FBH1: variants seen among roughly 807,000 people sequenced by gnomAD.
FBH1 encodes DNA 3'-5' helicase 1.
Under a neutral mutation model 115.5 loss-of-function variants are expected in FBH1, and 43 were observed. That is an observed-to-expected ratio of 0.37 (90% CI 0.29 to 0.48). The LOEUF (loss-of-function observed/expected upper bound fraction) is 0.48, where lower values mean the gene tolerates loss of function less well. Among genes scored for constraint, FBH1 ranks in the 20% least tolerant of loss-of-function variants. The probability of loss-of-function intolerance (pLI) is 0.99; values close to 1 mark genes in which losing one functional copy is unlikely to be tolerated. For missense variants in FBH1, 1,001 were observed against 1,337.3 expected, an observed-to-expected ratio of 0.75 and a Z score of 3.92; for synonymous variants, 524 against 507.8, an observed-to-expected ratio of 1.03 and a Z score of -0.43.
rs1021703306 is a variant in FBH1 at position 5,906,704 on chromosome 10, CAG to C, written c.753+75_753+76del. 72 of 1,248,076 alleles carry C rather than the reference CAG, an allele frequency of 5.8e-5. No individual in the cohort carries two copies. In the African/African-American group the frequency reaches 1.0e-3, roughly 18 times the overall value. The allele number at this position is 1,248,076 out of a possible 1,614,324, so 77.3% of individuals were successfully genotyped here. On this transcript the variant is annotated intron_variant, in intron 3 of 20. Coordinates refer to ENST00000362091, the MANE Select transcript of FBH1 (RefSeq NM_178150.3). The surrounding 1 kb of genome is among the most constrained non-coding windows in gnomAD (Gnocchi z 7.3). ...ACTTTGCTTAATGCACGCTTATAAT[CAG>C]AGGATCTTTTCAGAAATGGTTTCCA...
In FBH1 at chr10:5,910,988, T is replaced by C. The variant is rs369546116; in HGVS notation, c.1071T>C (p.Ser357=). Residue 357 remains serine, a synonymous_variant, in exon 6 of 21, where the codon AGT becomes AGC. Transcript: ENST00000362091. This position sits in a 1 kb window ranked among gnomAD's most constrained non-coding sequence, Gnocchi z 4.8. ...CGGCTGTGGTGCTCCTCTCCAGCAG[T>C]GTGAATGACATCCAGCGACTGCTCT... ...LVAAVVLLSS[S]VNDIQRLLFC... The C allele has an allele frequency of 1.3e-5, 21 of 1,612,160 alleles. No individual in the cohort carries two copies. In the African/African-American group the frequency reaches 2.5e-4, roughly 19 times the overall value.
Position 5,900,562 on chromosome 10 carries a change from C to T in FBH1, c.2-2458C>T, listed in dbSNP as rs965136583. On this transcript the variant is annotated intron_variant, in intron 1 of 20. Transcript: ENST00000362091. The surrounding 1 kb of genome is among the most constrained non-coding windows in gnomAD (Gnocchi z 4.2). The stretch of plus-strand genomic sequence containing the variant: ...CAGCTTCTGAGTTCAGGTAGTTAGA[C>T]GATTTCCAGCGTCCTTTCAGAGGGG... Among the ~76,000 whole-genome samples the T allele has an allele frequency of 7.9e-5, 12 of 152,216 alleles. No individual in the cohort carries two copies. Among genetic ancestry groups the T allele is most frequent in the African/African-American group, 2.7e-4 (11 of 41,452 alleles).
In FBH1 at chr10:5,899,046, A is replaced by G. The variant is rs565755694; in HGVS notation, c.2-3974A>G. Among the ~76,000 whole-genome samples the G allele has an allele frequency of 6.9e-4, 105 of 152,304 alleles. 1 individual carries two copies. The South Asian group carries it at 0.021, about 30-fold the overall frequency. ...CAGGGTTCACCCTGCATGTGTAGGT[A>G]CCTCTTCTATACAAATCTGCCAGCC... On this transcript the variant is annotated intron_variant, in intron 1 of 20. Coordinates refer to ENST00000362091, the MANE Select transcript of FBH1 (RefSeq NM_178150.3).
Position 5,924,194 on chromosome 10 carries a change from G to C in FBH1, c.2399-117G>C, listed in dbSNP as rs1014242527. The C allele has an allele frequency of 9.4e-6, 9 of 954,908 alleles. No individual in the cohort carries two copies. The South Asian group carries it at 1.1e-4, about 11-fold the overall frequency. The allele number at this position is 954,908 out of a possible 1,614,324, so 59.2% of individuals were successfully genotyped here. ...AGTGATGCAGTCAGGCCTGGAACCCGGGTCTCCCCACTTTAAGACCATCTG... is the reference window on the plus strand; with the variant it reads ...AGTGATGCAGTCAGGCCTGGAACCCCGGTCTCCCCACTTTAAGACCATCTG... On this transcript the variant is annotated intron_variant, in intron 16 of 20. Transcript: ENST00000362091. The surrounding 1 kb of genome is among the most constrained non-coding windows in gnomAD (Gnocchi z 6.2).
intron 10 of FBH1, 31 bp downstream of exon 10, chr10:5,916,487 A>T: frequency 6.4e-7 from 1 of 1,569,806 alleles, no homozygotes; most frequent in Non-Finnish European, 8.7e-7. Flanking sequence ...AGTGTTAGGG[A>T]TCTGAGGATG....
chr10:5,908,900 T>C (rs768573747), intron 3 of FBH1, 25 bp from the exon 4 acceptor site: 3 of 1,612,632 alleles, frequency 1.9e-6, no homozygotes, highest in Non-Finnish European at 2.5e-6. Flanking sequence ...CCTCATGTTA[T>C]TTTGTTTGTT....
intron 9 of FBH1, 193 bp from the exon 10 acceptor site, chr10:5,916,041 G>C (rs1831912862): frequency 1.7e-6 from 1 of 596,658 alleles, no homozygotes; most frequent in Admixed American, 3.0e-5. Flanking sequence ...TTCTGGGTTG[G>C]TACATGTGAG....
chr10:5,927,233 A>G (rs1045045264), intron 18 of FBH1, among the ~76,000 whole-genome samples: 5 of 152,154 alleles, frequency 3.3e-5, no homozygotes, highest in African/African-American at 1.2e-4. Flanking sequence ...AAAACCCGGT[A>G]TTTTGTGCCA....
In FBH1 at chr10:5,897,084, G is replaced by A. The variant is rs1251319575; in HGVS notation, c.2-5936G>A. 6.6e-6 allele frequency among the ~76,000 whole-genome samples: 1 copy of A among 152,158 alleles called. No homozygotes were observed. The highest frequency in any genetic ancestry group is 1.9e-4 in the East Asian group (1 of 5,188). On this transcript the variant is annotated intron_variant, in intron 1 of 20. Transcript: ENST00000362091. This position sits in a 1 kb window ranked among gnomAD's most constrained non-coding sequence, Gnocchi z 4.7. Reference sequence around the variant, plus strand: ...ATGCTATTAAAACTGATGTGCCTTAGGAGACCCTCAGATTGGTGTGGTAGT... The same window carrying A: ...ATGCTATTAAAACTGATGTGCCTTAAGAGACCCTCAGATTGGTGTGGTAGT...
In FBH1 at chr10:5,924,690, C is replaced by T. The variant is rs1270154691; in HGVS notation, c.2596+182C>T. 18 of 668,182 alleles carry T rather than the reference C, an allele frequency of 2.7e-5. No homozygotes were observed. Among genetic ancestry groups the T allele is most frequent in the Admixed American group, 1.0e-4 (5 of 47,740 alleles). The allele number at this position is 668,182 out of a possible 1,614,324, so 41.4% of individuals were successfully genotyped here. A position where few individuals can be genotyped will look rare whatever the true frequency, so the allele number is the denominator to read the frequency against. ...TCAAGCAATTATCCTGCCTCAGCCT[C>T]GTGAGTAGCTGGGACTACAGGCCCC... is the stretch of plus-strand genomic sequence containing the variant. On this transcript the variant is annotated intron_variant, in intron 17 of 20. Coordinates refer to ENST00000362091, the MANE Select transcript of FBH1 (RefSeq NM_178150.3). The surrounding 1 kb of genome is among the most constrained non-coding windows in gnomAD (Gnocchi z 6.2).
intron 13 of FBH1, among the ~76,000 whole-genome samples, chr10:5,919,587 CTTT>C (rs1564454149): frequency 6.6e-6 from 1 of 152,094 alleles, no homozygotes; most frequent in African/African-American, 2.4e-5. Flanking sequence ...TCTTTGGAGG[CTTT>C]TTAAGTGTGA....
At position 5,910,611 on chromosome 10, in the gene FBH1, T is replaced by A. The variant is rs887617826; in HGVS notation, c.1021-327T>A. Among the ~76,000 whole-genome samples the A allele has an allele frequency of 6.6e-5, 10 of 152,150 alleles. No homozygotes were observed. The highest frequency in any genetic ancestry group is 1.9e-4 in the African/African-American group (8 of 41,444). On this transcript the variant is annotated intron_variant, in intron 5 of 20. Coordinates refer to ENST00000362091, the MANE Select transcript of FBH1 (RefSeq NM_178150.3). This position sits in a 1 kb window ranked among gnomAD's most constrained non-coding sequence, Gnocchi z 4.8. The stretch of plus-strand genomic sequence containing the variant: ...GCACATATGGACCTGAGAGCCCCCA[T>A]GGCCTGGAGAGTAGGGTGGGGAGAT...
At position 5,895,611 on chromosome 10, in the gene FBH1, A is replaced by G. The variant is rs998180102; in HGVS notation, c.1+5265A>G. ...CAATAGACGTTTATTTTTCAATCCC[A>G]TAACAATCTAAGGAGGCTACAGGTC... On this transcript the variant is annotated intron_variant, in intron 1 of 20. Coordinates refer to ENST00000362091, the MANE Select transcript of FBH1 (RefSeq NM_178150.3). The surrounding 1 kb of genome is among the most constrained non-coding windows in gnomAD (Gnocchi z 5.0). Among the ~76,000 whole-genome samples the G allele has an allele frequency of 1.5e-4, 23 of 152,186 alleles. No individual in the cohort carries two copies. Among genetic ancestry groups the G allele is most frequent in the Non-Finnish European group, 3.2e-4 (22 of 68,024 alleles).
intron 2 of FBH1, among the ~76,000 whole-genome samples, chr10:5,903,810 A>G (rs193020083): frequency 5.9e-5 from 9 of 152,264 alleles, no homozygotes; most frequent in East Asian, 1.9e-4. Context: ...TCTCTGTCCA[A>G]TCTGTCACTA....
chr10:5,915,895 G>A lies in FBH1; in HGVS notation c.1565+324G>A. 6.5e-6 allele frequency: 3 copies of A among 464,690 alleles called. No individual in the cohort carries two copies. Among genetic ancestry groups the A allele is most frequent in the Non-Finnish European group, 1.2e-5 (3 of 258,168 alleles). The allele number at this position is 464,690 out of a possible 1,614,324, so 28.8% of individuals were successfully genotyped here. A position where few individuals can be genotyped will look rare whatever the true frequency, so the allele number is the denominator to read the frequency against. On this transcript the variant is annotated intron_variant, in intron 9 of 20. Transcript: ENST00000362091. This position sits in a 1 kb window ranked among gnomAD's most constrained non-coding sequence, Gnocchi z 5.2. ...TAGGCTTTTCTTGGAAGGGAGTGAG[G>A]AAGACTCAGCCGAGGCACACTTGAC... is the stretch of plus-strand genomic sequence containing the variant.
At chr10:5,890,083 AT>A (rs1481676391), upstream of FBH1, 18 of 308,752 alleles carry the variant, frequency 5.8e-5, no homozygotes, top group East Asian at 8.4e-4. Flanking sequence ...CCGATTGCGC[AT>A]TTCGATTGGC....
chr10:5,918,619 CAG>C lies in FBH1; in HGVS notation c.2100+142_2100+143del, dbSNP rs1832124984. 8 of 1,124,186 alleles carry C rather than the reference CAG, an allele frequency of 7.1e-6. No individual in the cohort carries two copies. The highest frequency in any genetic ancestry group is 9.6e-6 in the Non-Finnish European group (8 of 835,156). 69.6% of individuals were successfully genotyped at this position (1,124,186 alleles called of 1,614,324 possible). ...GCCATGGTTCTCAAAGTGTGGTTCT[CAG>C]GGGTCTGCCAAGTCACACTGTTTTC... On this transcript the variant is annotated intron_variant, in intron 13 of 20. Coordinates refer to ENST00000362091, the MANE Select transcript of FBH1 (RefSeq NM_178150.3). The surrounding 1 kb of genome is among the most constrained non-coding windows in gnomAD (Gnocchi z 4.0).
intron 1 of FBH1, among the ~76,000 whole-genome samples, chr10:5,899,424 C>G (rs994792809): frequency 4.6e-5 from 7 of 152,152 alleles, no homozygotes; most frequent in African/African-American, 1.4e-4. Flanking sequence ...GATATTCACT[C>G]TTGGTAACTT....
At position 5,930,286 on chromosome 10, in the gene FBH1, A is replaced by C. The variant is rs142849160; in HGVS notation, c.2829+2745A>C. Among the ~76,000 whole-genome samples the C allele has an allele frequency of 6.2e-3, 939 of 152,336 alleles. 8 individuals are homozygous for C. The highest frequency in any genetic ancestry group is 0.021 in the African/African-American group (874 of 41,578). On this transcript the variant is annotated intron_variant, in intron 19 of 20. Coordinates refer to ENST00000362091, the MANE Select transcript of FBH1 (RefSeq NM_178150.3). ...TGCCTTTTTACAGTTGATTTGTTCA[A>C]GTCAGAGTCCAAACCAACATTTGGT...
Sources: allele counts gnomAD v4.1 joint callset (sites outside exome capture counted in the v4.1 genomes callset), GRCh38; gene constraint gnomAD v4.1.1; non-coding constraint Gnocchi (gnomAD v3.1); transcripts MANE v1.5; gene names NCBI Gene and HGNC (gene_info 2026-07-23, HGNC 2026-07-21).